PCDHGA5: variants seen among roughly 807,000 people sequenced by gnomAD.
PCDHGA5 encodes the protein protocadherin gamma subfamily A, 5.
PCDHGA5 carries 36 observed loss-of-function variants against 56.7 expected under a neutral mutation model. The observed-to-expected ratio is 0.64, with a 90% confidence interval of 0.49 to 0.84. The LOEUF is 0.84. PCDHGA5 is among the 40% of genes least tolerant of loss of function. The pLI is 0.00. For missense variants in PCDHGA5, 1,305 were observed against 1,201.5 expected, an observed-to-expected ratio of 1.09 and a Z score of -1.27; for synonymous variants, 563 against 520.2, an observed-to-expected ratio of 1.08 and a Z score of -1.12.
chr5:141,495,386 G>C (rs2099760934), intron 2 of PCDHGA5, among the ~76,000 whole-genome samples: 1 of 152,214 alleles, frequency 6.6e-6, no homozygotes, highest in Non-Finnish European at 1.5e-5. Context: ...GGACTGGGCG[G>C]GGCATGGAGC....
chr5:141,376,559 C>G (rs758448085), intron 1 of PCDHGA5: 8 of 1,609,380 alleles, frequency 5.0e-6, no homozygotes, highest in Admixed American at 3.4e-5. Context: ...TCCCGCAACC[C>G]AACTAATCAG....
chr5:141,484,699 T>A (rs899065665), intron 1 of PCDHGA5, among the ~76,000 whole-genome samples: 4 of 151,966 alleles, frequency 2.6e-5, no homozygotes, highest in African/African-American at 9.7e-5. Flanking sequence ...GCTGTGGCTG[T>A]TTTCCCCGCC....
intron 1 of PCDHGA5, among the ~76,000 whole-genome samples, chr5:141,455,146 A>G (rs2098814943): frequency 6.7e-6 from 1 of 149,242 alleles, no homozygotes; most frequent in South Asian, 2.1e-4. Flanking sequence ...TGTTAAATAA[A>G]TATTAGTTTG....
At chr5:141,379,728 G>A (rs1775778672) in intron 1 of PCDHGA5, 1 of 152,020 alleles carries the variant, frequency 6.6e-6, no homozygotes, top group African/African-American at 2.4e-5. Flanking sequence ...AATTTGCTAA[G>A]TTATGGCTAA....
chr5:141,422,062 A>C, intron 1 of PCDHGA5: 4 of 1,612,140 alleles, frequency 2.5e-6, no homozygotes, highest in Non-Finnish European at 3.4e-6. Context: ...CGGGGAAGTA[A>C]TGTATTCATT....
chr5:141,494,251 G>C (rs961451413), intron 1 of PCDHGA5, among the ~76,000 whole-genome samples: 2 of 152,214 alleles, frequency 1.3e-5, no homozygotes, highest in African/African-American at 4.8e-5. Context: ...TTAGCTGTGG[G>C]AAGAGATTCT....
chr5:141,428,744 T>C (rs939886054), intron 1 of PCDHGA5: 10 of 155,306 alleles, frequency 6.4e-5, no homozygotes, highest in African/African-American at 2.4e-4. Context: ...ATATCTACTA[T>C]TGCTTCAGGT....
rs2099695710 is a variant in PCDHGA5, at chr5:141,490,068, A to G, written c.2422-4739A>G. On this transcript the variant is annotated intron_variant, in intron 1 of 3. Coordinates refer to ENST00000518069, the MANE Select transcript of PCDHGA5 (RefSeq NM_018918.3). This position sits in a 1 kb window ranked among gnomAD's most constrained non-coding sequence, Gnocchi z 5.4. ...ATCCAGACGAGGGCACCAACGGCCA[A>G]CTAGACTATTCTTTTGGAGACCACA... is the stretch of plus-strand genomic sequence containing the variant. 2 of 1,614,152 alleles carry G rather than the reference A, an allele frequency of 1.2e-6. No homozygotes were observed. The highest frequency in any genetic ancestry group is 1.6e-4 in the Middle Eastern group (1 of 6,084).
chr5:141,370,836 A>G, intron 1 of PCDHGA5: 1 of 1,614,018 alleles, frequency 6.2e-7, no homozygotes, highest in Non-Finnish European at 8.5e-7. Context: ...ACTGGCTCTC[A>G]CTGGAGCCAC....
intron 1 of PCDHGA5, among the ~76,000 whole-genome samples, chr5:141,387,402 T>C (rs953681527): frequency 6.6e-5 from 10 of 152,186 alleles, no homozygotes; most frequent in African/African-American, 2.4e-4. Context: ...TGTTTGAAGA[T>C]TGGGGAAAGC....
intron 1 of PCDHGA5, chr5:141,410,044 C>T (rs1220745023): frequency 1.7e-5 from 27 of 1,613,184 alleles, no homozygotes; most frequent in Admixed American, 3.3e-5. Context: ...CCAGTGAGCC[C>T]GGACTCTTCA....
rs772255343 is a variant in PCDHGA5, at chr5:141,432,272, G to C, written c.2422-62535G>C. On this transcript the variant is annotated intron_variant, in intron 1 of 3. Coordinates refer to ENST00000518069, the MANE Select transcript of PCDHGA5 (RefSeq NM_018918.3). This position sits in a 1 kb window ranked among gnomAD's most constrained non-coding sequence, Gnocchi z 6.0. ...CCAAGGGGCAAGCCTATCGTCCTAC[G>C]TGTCCATCAACTCCGACACTGGGGT... The C allele has an allele frequency of 3.1e-6, 5 of 1,614,210 alleles. No individual in the cohort carries two copies. Among genetic ancestry groups the C allele is most frequent in the Non-Finnish European group, 4.2e-6 (5 of 1,180,042 alleles).
intron 1 of PCDHGA5, among the ~76,000 whole-genome samples, chr5:141,472,001 G>A (rs992798148): frequency 1.1e-4 from 17 of 152,022 alleles, no homozygotes; most frequent in East Asian, 3.9e-4. Context: ...TCCCTGCATC[G>A]TATAGGGGCA....
chr5:141,409,522 G>A (rs371017853), intron 1 of PCDHGA5: 30 of 1,613,874 alleles, frequency 1.9e-5, no homozygotes, highest in Non-Finnish European at 2.3e-5. Flanking sequence ...GCATCACCTT[G>A]TATGTCGCTG....
At chr5:141,505,143 CAG>C (rs1332770308) in intron 2 of PCDHGA5, among the ~76,000 whole-genome samples, 1 of 152,172 alleles carries the variant, frequency 6.6e-6, no homozygotes, top group Non-Finnish European at 1.5e-5. Context: ...GCCTGGATGA[CAG>C]AGTAAGACCC....
Position 141,486,563 on chromosome 5 carries a change from G to T in PCDHGA5, c.2422-8244G>T, listed in dbSNP as rs558244990. Reference sequence around the variant, plus strand: ...CTTTCAGAGGTCACATGAGGTGTTTGTTCCTGAGAACAATCGCCCAGGGGA... The same window carrying T: ...CTTTCAGAGGTCACATGAGGTGTTTTTTCCTGAGAACAATCGCCCAGGGGA... On this transcript the variant is annotated intron_variant, in intron 1 of 3. Transcript: ENST00000518069. The surrounding 1 kb of genome is among the most constrained non-coding windows in gnomAD (Gnocchi z 5.0). The T allele has an allele frequency of 4.3e-6, 7 of 1,614,006 alleles. No individual in the cohort carries two copies. The highest frequency in any genetic ancestry group is 4.0e-5 in the African/African-American group (3 of 75,054).
intron 1 of PCDHGA5, among the ~76,000 whole-genome samples, chr5:141,467,820 G>T (rs1278112158): frequency 6.6e-6 from 1 of 151,884 alleles, no homozygotes; most frequent in African/African-American, 2.4e-5. Flanking sequence ...CACCACACCA[G>T]GCTGATTTTT....
chr5:141,480,951 G>A (rs924500955), intron 1 of PCDHGA5, among the ~76,000 whole-genome samples: 4 of 152,038 alleles, frequency 2.6e-5, no homozygotes, highest in Non-Finnish European at 2.9e-5. Flanking sequence ...AGGCTGAGGC[G>A]GAAGCATCAG....
chr5:141,425,523 T>C (rs1260519939), intron 1 of PCDHGA5, among the ~76,000 whole-genome samples: 1 of 152,248 alleles, frequency 6.6e-6, no homozygotes, highest in Admixed American at 6.5e-5. Flanking sequence ...TGATGAAACA[T>C]GAAACAATAA....
Sources: gnomAD v4.1 joint callset for allele counts (sites outside exome capture counted in the v4.1 genomes callset) on GRCh38, gnomAD v4.1.1 for gene constraint, Gnocchi (gnomAD v3.1) non-coding constraint, MANE v1.5 for transcripts, NCBI Gene and HGNC (gene_info 2026-07-23, HGNC 2026-07-21) for gene names.